The following MRPL3 variants were observed in gnomAD, a reference collection of about 807,000 sequenced individuals.
MRPL3 encodes large ribosomal subunit protein uL3m.
In MRPL3, 43 loss-of-function variants were observed where a neutral mutation model predicts 44.3. The observed-to-expected ratio is 0.97, with a 90% CI of 0.76 to 1.25. The LOEUF (loss-of-function observed/expected upper bound fraction) is 1.25, where lower values mean the gene tolerates loss of function less well. MRPL3 is among the 50% of genes most tolerant of loss of function. The pLI, the probability that MRPL3 is intolerant of heterozygous loss-of-function variation, is 0.00. For synonymous variants in MRPL3, 171 were observed against 152.3 expected (o/e 1.12, Z -0.91); for missense variants, 406 against 427.6 (o/e 0.95, Z 0.45).
At chr3:131,493,586 G>GT (rs1934303806) in intron 4 of MRPL3, among the ~76,000 whole-genome samples, 3 of 152,164 alleles carry the variant, frequency 2.0e-5, no homozygotes, top group Admixed American at 6.5e-5. Flanking sequence ...AAAAGAAACA[G>GT]AAGATAAAGG....
chr3:131,468,345 T>G (rs549699134), intron 8 of MRPL3, among the ~76,000 whole-genome samples, 177 bp from the exon 9 acceptor site: 1 of 152,136 alleles, frequency 6.6e-6, no homozygotes, highest in Non-Finnish European at 1.5e-5. Flanking sequence ...TAGAAGACCA[T>G]AGCAAATATA....
chr3:131,487,313 G>T, intron 6 of MRPL3: 1 of 185,484 alleles, frequency 5.4e-6, no homozygotes, highest in Non-Finnish European at 1.1e-5. Context: ...GTGAGGGGCT[G>T]GGGGAGGGAT....
chr3:131,490,161 T>C (rs1343990828), intron 4 of MRPL3, 81 bp from the exon 5 acceptor site: 14 of 922,520 alleles, frequency 1.5e-5, no homozygotes, highest in Non-Finnish European at 2.1e-5. Flanking sequence ...AACCAAGTTA[T>C]TAACACCCCA....
In MRPL3 at chr3:131,471,211, T is replaced by G; in HGVS notation, c.698A>C (p.Gln233Pro). 1 of 1,613,444 alleles carries G rather than the reference T, an allele frequency of 6.2e-7. No individual in the cohort carries two copies. The highest frequency in any genetic ancestry group is 8.5e-7 in the Non-Finnish European group (1 of 1,179,548). The change falls in exon 7 of 10, where the codon CAA becomes CCA. Residue 233 changes from glutamine to proline, a missense_variant. Coordinates refer to ENST00000264995, the MANE Select transcript of MRPL3 (RefSeq NM_007208.4). ...TCCAGGTCTCCTGTGGGTTTTCGTT[T>G]GACCATGCGTAGCAGGCTGGCCTTT... Reference protein sequence around the residue: ...GFKGQPATHGQTKTHRRPGAV... With the variant: ...GFKGQPATHGPTKTHRRPGAV...
chr3:131,501,280 T>A lies in MRPL3; in HGVS notation c.277+251A>T, dbSNP rs80053966. ...TTTTTAGCTGAAGTAAACAAGAGAA[T>A]CTATGCAGAATGATTCTCCCTTCAC... is the stretch of plus-strand genomic sequence containing the variant. On this transcript the variant is annotated intron_variant, in intron 2 of 9. Coordinates refer to ENST00000264995, the MANE Select transcript of MRPL3 (RefSeq NM_007208.4). Among the ~76,000 whole-genome samples the A allele has an allele frequency of 0.066, 9,994 of 152,270 alleles. 393 individuals carry two copies. Among genetic ancestry groups the A allele is most frequent in the African/African-American group, 0.089 (3,705 of 41,538 alleles).
At chr3:131,487,552 T>G in intron 6 of MRPL3, 128 bp downstream of exon 6, 1 of 767,308 alleles carries the variant, frequency 1.3e-6, no homozygotes, top group East Asian at 2.8e-5. Flanking sequence ...ATGAAAGATT[T>G]GAATTCAGAA....
Position 131,498,218 on chromosome 3 carries a change from T to C in MRPL3, c.429A>G (p.Ala143=). The part of the protein sequence containing the change: ...TSKENCNGKM[A]TLSVGGKTVS... ...CAGTTTTTCCTCCTACAGACAGGGT[T>C]GCCATTTTTCCATTACAGTTTTCCT... The change falls in exon 4 of 10, where the codon GCA becomes GCG. Residue 143 remains alanine, a synonymous_variant. Coordinates refer to ENST00000264995, the MANE Select transcript of MRPL3 (RefSeq NM_007208.4). 1 of 1,612,546 alleles carries C rather than the reference T, an allele frequency of 6.2e-7. No individual in the cohort carries two copies. The highest frequency in any genetic ancestry group is 8.5e-7 in the Non-Finnish European group (1 of 1,178,574).
intron 6 of MRPL3, among the ~76,000 whole-genome samples, chr3:131,474,011 C>T (rs1246207168): frequency 1.3e-5 from 2 of 152,114 alleles, no homozygotes; most frequent in Admixed American, 1.3e-4. Context: ...TCCCTCAAAA[C>T]ATTAAAAATA....
chr3:131,473,514 C>A (rs1350529782), intron 6 of MRPL3, among the ~76,000 whole-genome samples: 2 of 151,756 alleles, frequency 1.3e-5, no homozygotes, highest in Non-Finnish European at 2.9e-5. Flanking sequence ...AATGAGACCT[C>A]AAAAGCACAG....
At position 131,462,584 on chromosome 3, in the gene MRPL3, A is replaced by G. The variant is rs541188922; in HGVS notation, c.*139T>C. 2.4e-3 allele frequency: 1,738 copies of G among 709,592 alleles called. 4 individuals are homozygous for G. Among genetic ancestry groups the G allele is most frequent in the Middle Eastern group, 3.4e-3 (11 of 3,228 alleles). The allele number at this position is 709,592 out of a possible 1,614,324, so 44.0% of individuals were successfully genotyped here. ...AAAATTTAATGGGGGTATGAATGAT[A>G]TATTTATGCCCTTGACAAAGATGAC... On this transcript the variant is annotated 3_prime_UTR_variant, in exon 10 of 10. Transcript: ENST00000264995.
intron 4 of MRPL3, among the ~76,000 whole-genome samples, chr3:131,491,864 C>T (rs1282614159): frequency 2.0e-5 from 3 of 152,094 alleles, no homozygotes; most frequent in Non-Finnish European, 4.4e-5. Context: ...AAAACTCAAG[C>T]CATATCATGT....
chr3:131,463,107 G>T (rs1933527731), intron 9 of MRPL3, among the ~76,000 whole-genome samples: 1 of 152,146 alleles, frequency 6.6e-6, no homozygotes, highest in Admixed American at 6.5e-5. Context: ...ATCACCAATT[G>T]TTACTTTGTA....
At position 131,502,759 on chromosome 3, in the gene MRPL3, G is replaced by A. The variant is rs769397522; in HGVS notation, c.63C>T (p.Gly21=). The stretch of plus-strand genomic sequence containing the variant: ...TCCCCGGGCCCAGGGCAGCACCCAG[G>A]CCGTCCCCGAGTCGACCCAGCACCT... ...GAQVLGRLGD[G]LGAALGPGNR... Residue 21 remains glycine, a synonymous_variant, in exon 1 of 10, where the codon GGC becomes GGT. Transcript: ENST00000264995. 5 of 1,612,106 alleles carry A rather than the reference G, an allele frequency of 3.1e-6. No homozygotes were observed. In the African/African-American group the frequency reaches 5.3e-5, roughly 17 times the overall value.
chr3:131,490,138 G>A, intron 4 of MRPL3, 58 bp from the exon 5 acceptor site: 2 of 1,229,984 alleles, frequency 1.6e-6, no homozygotes, highest in Non-Finnish European at 2.4e-6. Flanking sequence ...GGAATTAAAT[G>A]CATGGAGATC....
Position 131,502,836 on chromosome 3 carries a change from A to T in MRPL3, c.-15T>A, listed in dbSNP as rs1366232957. On this transcript the variant is annotated 5_prime_UTR_variant, in exon 1 of 10. Coordinates refer to ENST00000264995, the MANE Select transcript of MRPL3 (RefSeq NM_007208.4). ...CAACCCGGCATGGATTAGCCCGGGA[A>T]GACTCGACTCACGACTTCCGGGCGC... 6.2e-7 allele frequency: 1 copy of T among 1,610,256 alleles called. No individual in the cohort carries two copies. The highest frequency in any genetic ancestry group is 8.5e-7 in the Non-Finnish European group (1 of 1,178,736).
chr3:131,466,460 C>T (rs1559811140), intron 9 of MRPL3, among the ~76,000 whole-genome samples: 1 of 151,990 alleles, frequency 6.6e-6, no homozygotes, highest in Non-Finnish European at 1.5e-5. Flanking sequence ...TCTCTGAGAA[C>T]TTAAAGAGTT....
At chr3:131,475,200 G>A (rs745956373) in intron 6 of MRPL3, among the ~76,000 whole-genome samples, 9 of 152,044 alleles carry the variant, frequency 5.9e-5, no homozygotes, top group Non-Finnish European at 1.3e-4. Flanking sequence ...ATTATATAGT[G>A]TACTGTTCAG....
chr3:131,499,147 C>T (rs1251631891), intron 3 of MRPL3, among the ~76,000 whole-genome samples: 1 of 152,158 alleles, frequency 6.6e-6, no homozygotes, highest in Non-Finnish European at 1.5e-5. Flanking sequence ...AGATTTTATG[C>T]ATTTTATGTA....
chr3:131,501,970 CA>C (rs1559836828), intron 1 of MRPL3: 1 of 1,451,670 alleles, frequency 6.9e-7, no homozygotes. Flanking sequence ...ACATATTCCC[CA>C]AAAAACAGTC....
Sources: gnomAD v4.1 joint callset for allele counts (sites outside exome capture counted in the v4.1 genomes callset) on GRCh38, gnomAD v4.1.1 for gene constraint, MANE v1.5 for transcripts, NCBI Gene and HGNC (gene_info 2026-07-23, HGNC 2026-07-21) for gene names.